Variants in TADA2A observed in about 807,000 individuals in gnomAD.
TADA2A encodes the protein transcriptional adaptor 2A.
Under a neutral mutation model 67.4 loss-of-function variants are expected in TADA2A, and 38 were observed. The observed-to-expected ratio is 0.56, with a 90% CI of 0.44 to 0.74. The LOEUF (loss-of-function observed/expected upper bound fraction) is 0.74. TADA2A is among the 30% of genes least tolerant of loss of function. The probability of loss-of-function intolerance (pLI) is 0.00; values close to 1 mark genes in which losing one functional copy is unlikely to be tolerated. For missense variants in TADA2A, 454 were observed against 547.0 expected (o/e 0.83, Z 1.70); for synonymous variants, 192 against 181.6 (o/e 1.06, Z -0.46).
rs942570785 is a variant in TADA2A at position 37,479,242 on chromosome 17, T to G, written c.*2260T>G. On this transcript the variant is annotated 3_prime_UTR_variant, in exon 16 of 16. Transcript: ENST00000615182. ...GAGGCAGCAGTGGGTGTAAGGACAATGGTGCCAAGAGATTTATTTGGCTAG... is the reference window on the plus strand; with the variant it reads ...GAGGCAGCAGTGGGTGTAAGGACAAGGGTGCCAAGAGATTTATTTGGCTAG... 1.3e-5 allele frequency: 2 copies of G among 152,146 alleles called. No homozygotes were observed. The highest frequency in any genetic ancestry group is 4.8e-5 in the African/African-American group (2 of 41,360). The allele number at this position is 152,146 out of a possible 1,614,324, so 9.4% of individuals were successfully genotyped here.
intron 2 of TADA2A, among the ~76,000 whole-genome samples, chr17:37,416,038 G>T (rs996498775): frequency 6.6e-6 from 1 of 151,892 alleles, no homozygotes; most frequent in Non-Finnish European, 1.5e-5. Flanking sequence ...TATGTTTAAG[G>T]CCATTTTATG....
At chr17:37,461,437 T>C (rs542600024) in intron 9 of TADA2A, among the ~76,000 whole-genome samples, 1 of 152,230 alleles carries the variant, frequency 6.6e-6, no homozygotes, top group Non-Finnish European at 1.5e-5. Flanking sequence ...AGAAGCTTCA[T>C]TGCTAGTTAT....
At chr17:37,475,076 T>C (rs1204706055) in intron 15 of TADA2A, among the ~76,000 whole-genome samples, 1 of 152,196 alleles carries the variant, frequency 6.6e-6, no homozygotes, top group African/African-American at 2.4e-5. Context: ...GTAAATTGTC[T>C]CCAGAGCATG....
At chr17:37,444,222 G>A (rs1446924739) in intron 7 of TADA2A, among the ~76,000 whole-genome samples, 1 of 144,340 alleles carries the variant, frequency 6.9e-6, no homozygotes, top group Non-Finnish European at 1.5e-5. Context: ...TCACACCACT[G>A]CACTCCAGCC....
chr17:37,473,079 G>A (rs918846778), intron 14 of TADA2A, among the ~76,000 whole-genome samples: 1 of 150,346 alleles, frequency 6.7e-6, no homozygotes, highest in Non-Finnish European at 1.5e-5. Flanking sequence ...TCCCAGTTCA[G>A]CTCCTGAGTG....
intron 2 of TADA2A, among the ~76,000 whole-genome samples, chr17:37,420,035 T>C (rs2052184346): frequency 6.9e-6 from 1 of 145,616 alleles, no homozygotes; most frequent in African/African-American, 2.5e-5. Flanking sequence ...ACTACTTTGC[T>C]CAGTGGCTGA....
At chr17:37,423,252 A>G (rs2052300309) in intron 2 of TADA2A, among the ~76,000 whole-genome samples, 1 of 152,156 alleles carries the variant, frequency 6.6e-6, no homozygotes, top group South Asian at 2.1e-4. Flanking sequence ...AAATAAATCA[A>G]CAAACAAACA....
chr17:37,474,103 G>A (rs908995915), intron 14 of TADA2A, among the ~76,000 whole-genome samples: 5 of 152,218 alleles, frequency 3.3e-5, no homozygotes, highest in African/African-American at 4.8e-5. Context: ...GTCGGGCATG[G>A]TGGCATATGC....
At chr17:37,464,624 G>A (rs1428327199) in intron 10 of TADA2A, among the ~76,000 whole-genome samples, 1 of 151,690 alleles carries the variant, frequency 6.6e-6, no homozygotes, top group Non-Finnish European at 1.5e-5. Context: ...CAGATTGCCT[G>A]AGCTCAGTAG....
chr17:37,446,725 T>TTAA (rs1436814418), intron 8 of TADA2A, among the ~76,000 whole-genome samples: 1 of 152,314 alleles, frequency 6.6e-6, no homozygotes, highest in South Asian at 2.1e-4. Flanking sequence ...ATCTATAATG[T>TTAA]TAATAATGGC....
chr17:37,437,461 A>T (rs1221152421), intron 4 of TADA2A, among the ~76,000 whole-genome samples: 1 of 149,672 alleles, frequency 6.7e-6, no homozygotes, highest in African/African-American at 2.5e-5. Context: ...ATCTCAGCTC[A>T]CTGCAACCTC....
chr17:37,471,346 A>G (rs2053783526), intron 14 of TADA2A, among the ~76,000 whole-genome samples: 1 of 152,200 alleles, frequency 6.6e-6, no homozygotes, highest in Non-Finnish European at 1.5e-5. Context: ...AGTATAGAGT[A>G]TAGACAGTAT....
intron 4 of TADA2A, among the ~76,000 whole-genome samples, chr17:37,432,161 T>C (rs1311941930): frequency 7.1e-6 from 1 of 141,560 alleles, no homozygotes; most frequent in South Asian, 2.2e-4. Flanking sequence ...TCAGCTTTTT[T>C]ATTTATTTAT....
intron 4 of TADA2A, among the ~76,000 whole-genome samples, chr17:37,435,447 C>T (rs1272787893): frequency 3.3e-5 from 5 of 152,034 alleles, no homozygotes; most frequent in African/African-American, 9.7e-5. Context: ...TGCCACCACA[C>T]CCGGCTAATT....
At position 37,458,563 on chromosome 17, in the gene TADA2A, T is replaced by C. The variant is rs1262636076; in HGVS notation, c.644T>C (p.Leu215Ser). 2.5e-6 allele frequency: 4 copies of C among 1,612,880 alleles called. No homozygotes were observed. The highest frequency in any genetic ancestry group is 1.3e-5 in the African/African-American group (1 of 74,762). ...MAVVDIYHSR[L>S]KERQRRKKII... ...GTGGTAGATATCTATCATTCCAGGTTAAAGGAGAGACAAAGACGAAAAAAG... is the reference window on the plus strand; with the variant it reads ...GTGGTAGATATCTATCATTCCAGGTCAAAGGAGAGACAAAGACGAAAAAAG... The change falls in exon 9 of 16, where the codon TTA (leucine) becomes TCA (serine). Residue 215 changes from leucine (L) to serine (S), a missense_variant. Leu to Ser is a moderately radical substitution (Grantham distance 145). This residue lies in a region of TADA2A where 403 missense variants were observed against 455.5 expected (regional missense o/e 0.88). Transcript: ENST00000615182.
intron 8 of TADA2A, 50 bp downstream of exon 8, chr17:37,444,818 C>A: frequency 6.6e-7 from 1 of 1,525,324 alleles, no homozygotes; most frequent in Non-Finnish European, 9.1e-7. Context: ...TGTGTGATGA[C>A]ACTGTCTTGG....
chr17:37,445,667 ATAGT>A (rs2053056394), intron 8 of TADA2A, among the ~76,000 whole-genome samples: 1 of 152,104 alleles, frequency 6.6e-6, no homozygotes, highest in East Asian at 1.9e-4. Context: ...TTAAGAGTAG[ATAGT>A]TAGACTTTGA....
In TADA2A at chr17:37,427,981, C is replaced by CA. The variant is rs929295484; in HGVS notation, c.192+983dup. ...TGGGCGACAGAGTGAGACTCCATCT[C>CA]AAAAAAAAAAAGACAGTTTTGTCAG... On this transcript the variant is annotated intron_variant, in intron 4 of 15. Coordinates refer to ENST00000615182, the MANE Select transcript of TADA2A (RefSeq NM_001166105.3). Among the ~76,000 whole-genome samples, 254 of 140,320 alleles carry CA rather than the reference C, an allele frequency of 1.8e-3. 2 individuals are homozygous for CA. Among genetic ancestry groups the CA allele is most frequent in the South Asian group, 4.3e-3 (19 of 4,426 alleles). 92.1% of individuals were successfully genotyped at this position (140,320 alleles called of 152,430 possible).
At chr17:37,411,208 C>G in intron 1 of TADA2A, 61 bp from the exon 2 acceptor site, 1 of 689,984 alleles carries the variant, frequency 1.4e-6, no homozygotes, top group East Asian at 2.5e-5. Flanking sequence ...TGCATATCTT[C>G]TCTTTATCTT....
Sources: allele counts gnomAD v4.1 joint callset (sites outside exome capture counted in the v4.1 genomes callset), GRCh38; gene constraint gnomAD v4.1.1; regional missense constraint gnomAD v4.1.1; transcripts MANE v1.5; gene names NCBI Gene and HGNC (gene_info 2026-07-23, HGNC 2026-07-21).